ANO2: variants seen among roughly 807,000 people sequenced by gnomAD.
ANO2 encodes the protein anoctamin-2.
ANO2 carries 101 observed loss-of-function variants against 124.2 expected under a neutral mutation model. The ratio of observed to expected loss-of-function variants is 0.81; its 90% CI spans 0.69 to 0.96. The LOEUF (loss-of-function observed/expected upper bound fraction) is 0.96. ANO2 is among the 40% of genes least tolerant of loss of function. The probability of loss-of-function intolerance (pLI) is 0.00; values close to 1 mark genes in which losing one functional copy is unlikely to be tolerated. For missense variants in ANO2, 1,293 were observed against 1,274.5 expected, an observed-to-expected ratio of 1.01 and a Z score of -0.22; for synonymous variants, 486 against 482.5, an observed-to-expected ratio of 1.01 and a Z score of -0.09.
chr12:5,832,671 A>G lies in ANO2; in HGVS notation c.634-68T>C. 2.0e-6 allele frequency: 3 copies of G among 1,491,732 alleles called. No individual in the cohort carries two copies. In the South Asian group the frequency reaches 3.8e-5, roughly 19 times the overall value. 92.4% of individuals were successfully genotyped at this position (1,491,732 alleles called of 1,614,324 possible). ...CAGCAGAGAGGAATGGCTTCACAAA[A>G]AAAAGCTGCATGGACACAGATTCCC... On this transcript the variant is annotated intron_variant, in intron 4 of 24. Transcript: ENST00000682330.
rs1174754093 is a variant in ANO2, at chr12:5,787,085, A to C, written c.1055+12422T>G. 6.6e-6 allele frequency among the ~76,000 whole-genome samples: 1 copy of C among 152,142 alleles called. No individual in the cohort carries two copies. Among genetic ancestry groups the C allele is most frequent in the Non-Finnish European group, 1.5e-5 (1 of 68,008 alleles). ...GTCAGGGGGATGAGGAGAGGAAGAC[A>C]AAAGAGGCTCTGGGCTCAGAGTCAT... is the stretch of plus-strand genomic sequence containing the variant. On this transcript the variant is annotated intron_variant, in intron 10 of 24. Transcript: ENST00000682330. This position sits in a 1 kb window ranked among gnomAD's most constrained non-coding sequence, Gnocchi z 4.2.
chr12:5,569,838 A>G (rs1941994148), intron 23 of ANO2, among the ~76,000 whole-genome samples: 1 of 152,190 alleles, frequency 6.6e-6, no homozygotes, highest in Non-Finnish European at 1.5e-5. Context: ...AATGAACACA[A>G]CAGTTTCTTC....
chr12:5,872,346 C>T (rs1937756457), intron 3 of ANO2, among the ~76,000 whole-genome samples: 1 of 152,116 alleles, frequency 6.6e-6, no homozygotes, highest in Admixed American at 6.5e-5. Context: ...CATAGTCTAA[C>T]CCAGGGTCCC....
chr12:5,865,590 C>T (rs1262875581), intron 3 of ANO2, among the ~76,000 whole-genome samples: 3 of 151,226 alleles, frequency 2.0e-5, no homozygotes, highest in African/African-American at 7.3e-5. Flanking sequence ...TACCATCATG[C>T]CACCACACCA....
intron 12 of ANO2, 126 bp downstream of exon 12, chr12:5,744,031 T>C: frequency 8.7e-7 from 1 of 1,143,948 alleles, no homozygotes. Flanking sequence ...ATCCTTAAAA[T>C]ACTTCTTGTG....
intron 19 of ANO2, among the ~76,000 whole-genome samples, chr12:5,605,045 C>G (rs925906222): frequency 1.3e-5 from 2 of 152,096 alleles, no homozygotes; most frequent in Admixed American, 1.3e-4. Context: ...TCCATCACAC[C>G]TTGGGCCTCC....
chr12:5,650,104 C>T (rs1254825782), intron 14 of ANO2, among the ~76,000 whole-genome samples: 1 of 152,114 alleles, frequency 6.6e-6, no homozygotes, highest in African/African-American at 2.4e-5. Context: ...TTGGTTCAGT[C>T]CCACTCAACA....
chr12:5,939,233 A>AAAC (rs1942796468), intron 1 of ANO2, among the ~76,000 whole-genome samples: 1 of 151,402 alleles, frequency 6.6e-6, no homozygotes, highest in Non-Finnish European at 1.5e-5. Context: ...AAAAAAAAAA[A>AAAC]AACTTTGTGT....
At chr12:5,632,397 T>C (rs1945767382) in intron 16 of ANO2, among the ~76,000 whole-genome samples, 1 of 151,972 alleles carries the variant, frequency 6.6e-6, no homozygotes, top group African/African-American at 2.4e-5. Flanking sequence ...TTGCTGGCCA[T>C]GCAGTTTTTG....
chr12:5,941,017 T>C (rs2136326874), intron 1 of ANO2, among the ~76,000 whole-genome samples: 1 of 152,344 alleles, frequency 6.6e-6, no homozygotes, highest in African/African-American at 2.4e-5. Flanking sequence ...CCACACATTG[T>C]ATGGTTCCAT....
At chr12:5,762,000 A>G (rs573176254) in intron 10 of ANO2, among the ~76,000 whole-genome samples, 26 of 152,144 alleles carry the variant, frequency 1.7e-4, no homozygotes, top group Non-Finnish European at 1.3e-4. Flanking sequence ...TTCATGAGTA[A>G]TCCAAGCATA....
intron 10 of ANO2, among the ~76,000 whole-genome samples, chr12:5,752,999 T>G (rs563303268): frequency 1.3e-5 from 2 of 152,308 alleles, no homozygotes; most frequent in South Asian, 4.1e-4. Flanking sequence ...TATTGATTCT[T>G]CAGCTCCATG....
chr12:5,934,374 G>A (rs1037274902), intron 1 of ANO2, among the ~76,000 whole-genome samples: 9 of 152,118 alleles, frequency 5.9e-5, no homozygotes, highest in African/African-American at 2.2e-4. Flanking sequence ...CCTTTAAAAA[G>A]GTCTTTTTAC....
chr12:5,921,254 T>C lies in ANO2; in HGVS notation c.320A>G (p.Tyr107Cys), dbSNP rs951475127. 5 of 1,613,736 alleles carry C rather than the reference T, an allele frequency of 3.1e-6. No homozygotes were observed. The highest frequency in any genetic ancestry group is 3.3e-5 in the Admixed American group (2 of 59,992). ...RKVDYVLAYH[Y>C]RKRGVHLAQG... is the part of the protein sequence containing the mutation. ...GGCCAGGTGCACCCCGCGTTTCCGG[T>C]AGTGGTAGGCAAGTACATAGTCGAC... The change falls in exon 3 of 25, where the codon TAC (tyrosine) becomes TGC (cysteine). Residue 107 changes from tyrosine (Y) to cysteine (C), a missense_variant. Transcript: ENST00000682330.
intron 8 of ANO2, among the ~76,000 whole-genome samples, chr12:5,806,611 T>C (rs1377724750): frequency 6.6e-6 from 1 of 152,240 alleles, no homozygotes; most frequent in African/African-American, 2.4e-5. Context: ...AGTGAAGCCA[T>C]GGAGCATTTA....
At chr12:5,901,001 G>A (rs1320973842) in intron 3 of ANO2, among the ~76,000 whole-genome samples, 1 of 152,088 alleles carries the variant, frequency 6.6e-6, no homozygotes, top group Non-Finnish European at 1.5e-5. Context: ...GATGAGGTGG[G>A]GCCACTCTCA....
At chr12:5,604,342 A>T (rs1233992704) in intron 19 of ANO2, among the ~76,000 whole-genome samples, 1 of 152,206 alleles carries the variant, frequency 6.6e-6, no homozygotes, top group Non-Finnish European at 1.5e-5. Context: ...CCCACGAGAC[A>T]ACTAAGTAGA....
At position 5,783,047 on chromosome 12, in the gene ANO2, T is replaced by C. The variant is rs114112934; in HGVS notation, c.1055+16460A>G. Among the ~76,000 whole-genome samples the C allele has an allele frequency of 8.7e-3, 1,325 of 152,238 alleles. 22 individuals carry two copies. Among genetic ancestry groups the C allele is most frequent in the African/African-American group, 0.03 (1,250 of 41,544 alleles). On this transcript the variant is annotated intron_variant, in intron 10 of 24. Transcript: ENST00000682330. ...GGTGATGACCCACAGTTACCTATAA[T>C]CTACATTCAACAAGTTCTTTACTTC...
intron 14 of ANO2, among the ~76,000 whole-genome samples, chr12:5,726,984 G>C (rs1950466030): frequency 6.6e-6 from 1 of 152,172 alleles, no homozygotes; most frequent in Non-Finnish European, 1.5e-5. Context: ...CTTATATATG[G>C]TTATCACCTC....
Sources: gnomAD v4.1 joint callset for allele counts (sites outside exome capture counted in the v4.1 genomes callset) on GRCh38, gnomAD v4.1.1 for gene constraint, Gnocchi (gnomAD v3.1) non-coding constraint, MANE v1.5 for transcripts, NCBI Gene and HGNC (gene_info 2026-07-23, HGNC 2026-07-21) for gene names.